The following FOXO3 variants were observed in gnomAD, a reference collection of about 807,000 sequenced individuals.
FOXO3 encodes the protein forkhead box O3.
In FOXO3, 4 loss-of-function variants were observed where a neutral mutation model predicts 41.9. The observed-to-expected ratio is 0.10, with a 90% confidence interval of 0.05 to 0.22. The LOEUF is 0.22. Among genes scored for constraint, FOXO3 ranks in the 10% least tolerant of loss-of-function variants. FOXO3 has a pLI of 1.00. For missense variants in FOXO3, 534 were observed against 906.8 expected (o/e 0.59, Z 5.28); for synonymous variants, 318 against 389.3 (o/e 0.82, Z 2.16).
chr6:108,657,419 A>T (rs145094557), intron 1 of FOXO3, among the ~76,000 whole-genome samples: 11 of 152,274 alleles, frequency 7.2e-5, no homozygotes, highest in African/African-American at 2.4e-4. Context: ...AGTAACTGTG[A>T]CAATTGCCTG....
chr6:108,663,923 G>A lies in FOXO3; in HGVS notation c.1090G>A (p.Val364Met). Residue 364 changes from valine (V) to methionine (M), a missense_variant, in exon 2 of 3, where the codon GTG becomes ATG. Physicochemically the swap from Val to Met is conservative, Grantham distance 21 (BLOSUM62 1). Coordinates refer to ENST00000406360, the MANE Select transcript of FOXO3 (RefSeq NM_001455.4). ...ACCTTCAGTAAGCAAGCCGTGCACG[G>A]TGGAACTGCCACGGCTGACTGATAT... is the stretch of plus-strand genomic sequence containing the variant. Reference protein sequence around the residue: ...LSPSVSKPCTVELPRLTDMAG... With the variant: ...LSPSVSKPCTMELPRLTDMAG... 6.2e-7 allele frequency: 1 copy of A among 1,614,230 alleles called. No homozygotes were observed. Among genetic ancestry groups the A allele is most frequent in the Non-Finnish European group, 8.5e-7 (1 of 1,180,040 alleles).
At position 108,652,241 on chromosome 6, in the gene FOXO3, A is replaced by G. The variant is rs1317280666; in HGVS notation, c.622-11214A>G. 2.0e-5 allele frequency among the ~76,000 whole-genome samples: 3 copies of G among 152,210 alleles called. No homozygotes were observed. In the East Asian group the frequency reaches 5.8e-4, roughly 29 times the overall value. On this transcript the variant is annotated intron_variant, in intron 1 of 2. Transcript: ENST00000406360. ...ATAGTAATATTTGGGCATTCCCCAA[A>G]ATAGTGATCCCAGTTCAGGTTAGGA... is the stretch of plus-strand genomic sequence containing the variant.
At chr6:108,609,770 TATC>T (rs1777307271) in intron 1 of FOXO3, among the ~76,000 whole-genome samples, 1 of 152,230 alleles carries the variant, frequency 6.6e-6, no homozygotes, top group South Asian at 2.1e-4. Flanking sequence ...CTTCAGGACA[TATC>T]ATTACAGGTC....
At chr6:108,624,333 G>A (rs1777753804) in intron 1 of FOXO3, among the ~76,000 whole-genome samples, 1 of 151,758 alleles carries the variant, frequency 6.6e-6, no homozygotes, top group South Asian at 2.1e-4. Context: ...AAACCTCTCA[G>A]TTTACTCTAG....
At chr6:108,620,504 T>C (rs1777636704) in intron 1 of FOXO3, among the ~76,000 whole-genome samples, 1 of 152,158 alleles carries the variant, frequency 6.6e-6, no homozygotes, top group Admixed American at 6.5e-5. Context: ...ACTTTATAGC[T>C]GGTAGATGGT....
At chr6:108,560,711 G>A (rs1008786879), upstream of FOXO3, among the ~76,000 whole-genome samples, 6 of 152,160 alleles carry the variant, frequency 3.9e-5, no homozygotes, top group African/African-American at 7.2e-5. Context: ...ACCCGAGCTC[G>A]GGCTCTGACC....
chr6:108,669,714 A>G (rs1293800504), intron 2 of FOXO3, among the ~76,000 whole-genome samples: 2 of 152,184 alleles, frequency 1.3e-5, no homozygotes, highest in Non-Finnish European at 2.9e-5. Flanking sequence ...AGAGGCTGGT[A>G]CACTGGCTAC....
At chr6:108,660,640 G>C (rs1448333478) in intron 1 of FOXO3, among the ~76,000 whole-genome samples, 2 of 152,188 alleles carry the variant, frequency 1.3e-5, no homozygotes, top group Non-Finnish European at 2.9e-5. Context: ...GGAGGCCAAG[G>C]TGGGCAGATC....
At chr6:108,614,040 T>C (rs1046382676) in intron 1 of FOXO3, among the ~76,000 whole-genome samples, 26 of 152,192 alleles carry the variant, frequency 1.7e-4, no homozygotes, top group African/African-American at 5.3e-4. Context: ...TTTCTATTAC[T>C]GTTTTCTAAC....
intron 1 of FOXO3, among the ~76,000 whole-genome samples, chr6:108,588,667 T>C (rs1776652106): frequency 6.6e-6 from 1 of 152,176 alleles, no homozygotes; most frequent in Non-Finnish European, 1.5e-5. Flanking sequence ...ACTGTTTTTG[T>C]GGTGAGTCAA....
intron 1 of FOXO3, among the ~76,000 whole-genome samples, chr6:108,642,283 G>T (rs1251961153): frequency 6.6e-6 from 1 of 151,912 alleles, no homozygotes; most frequent in East Asian, 1.9e-4. Context: ...TAGAAATGAG[G>T]TCTCACTATA....
chr6:108,562,146 A>G (rs1775818777), intron 1 of FOXO3, among the ~76,000 whole-genome samples: 1 of 151,980 alleles, frequency 6.6e-6, no homozygotes. Context: ...CCGAGGAGGT[A>G]GGTCCGCAGC....
At chr6:108,586,119 TC>T (rs1466572831) in intron 1 of FOXO3, among the ~76,000 whole-genome samples, 1 of 152,194 alleles carries the variant, frequency 6.6e-6, no homozygotes, top group African/African-American at 2.4e-5. Context: ...TTGTTTATGT[TC>T]CTCCTTGGAA....
chr6:108,663,378 C>G, intron 1 of FOXO3, 77 bp from the exon 2 acceptor site: 4 of 1,512,992 alleles, frequency 2.6e-6, no homozygotes, highest in Non-Finnish European at 3.5e-6. Flanking sequence ...AATGAGGAGT[C>G]TGATTTACTA....
intron 2 of FOXO3, among the ~76,000 whole-genome samples, chr6:108,671,621 C>T (rs1477251836): frequency 6.6e-6 from 1 of 152,212 alleles, no homozygotes; most frequent in Admixed American, 6.5e-5. Context: ...CCTTTTTAAA[C>T]ATGTTATTTA....
Position 108,614,828 on chromosome 6 carries a change from C to T in FOXO3, c.622-48627C>T, listed in dbSNP as rs577593393. Among the ~76,000 whole-genome samples, 849 of 149,834 alleles carry T rather than the reference C, an allele frequency of 5.7e-3. 3 individuals are homozygous for T. Among genetic ancestry groups the T allele is most frequent in the Non-Finnish European group, 9.6e-3 (646 of 67,298 alleles). ...TAGTTTTCTATTTGTCCCATTTGTT[C>T]TTTGTGTCCTATTCCCCCTTTTCTT... On this transcript the variant is annotated intron_variant, in intron 1 of 2. Coordinates refer to ENST00000406360, the MANE Select transcript of FOXO3 (RefSeq NM_001455.4).
chr6:108,614,434 C>T (rs919799930), intron 1 of FOXO3, among the ~76,000 whole-genome samples: 1 of 152,058 alleles, frequency 6.6e-6, no homozygotes, highest in African/African-American at 2.4e-5. Context: ...GTTGTTATAT[C>T]CTCCTGATAC....
chr6:108,641,680 A>G (rs910851303), intron 1 of FOXO3, among the ~76,000 whole-genome samples: 1 of 152,120 alleles, frequency 6.6e-6, no homozygotes, highest in African/African-American at 2.4e-5. Context: ...TCCCATAGCA[A>G]GCAGGATGGC....
intron 1 of FOXO3, among the ~76,000 whole-genome samples, chr6:108,578,225 C>A (rs1483841295): frequency 6.6e-6 from 1 of 152,190 alleles, no homozygotes; most frequent in African/African-American, 2.4e-5. Context: ...TTACCCCACA[C>A]AGACTAAATC....
Sources: gnomAD v4.1 joint callset for allele counts (sites outside exome capture counted in the v4.1 genomes callset) on GRCh38, gnomAD v4.1.1 for gene constraint, MANE v1.5 for transcripts, NCBI Gene and HGNC (gene_info 2026-07-23, HGNC 2026-07-21) for gene names.